TOX4: variants seen among roughly 807,000 people sequenced by gnomAD.
TOX4 encodes the protein TOX high mobility group box family member 4.
Under a neutral mutation model 61.0 loss-of-function variants are expected in TOX4, and 12 were observed. The ratio of observed to expected loss-of-function variants is 0.20; its 90% CI spans 0.13 to 0.32. The LOEUF (loss-of-function observed/expected upper bound fraction) is 0.32. TOX4 is among the 10% of genes least tolerant of loss of function. TOX4 has a pLI of 1.00. For missense variants in TOX4, 499 were observed against 753.3 expected (o/e 0.66, Z 3.95); for synonymous variants, 268 against 274.8 (o/e 0.98, Z 0.24).
chr14:21,481,836 T>C (rs1463784063), intron 2 of TOX4, among the ~76,000 whole-genome samples: 3 of 152,164 alleles, frequency 2.0e-5, no homozygotes, highest in Non-Finnish European at 4.4e-5. Context: ...GACACTATAT[T>C]CGTTCATATT....
At chr14:21,478,389 T>C (rs966170568) in intron 2 of TOX4, among the ~76,000 whole-genome samples, 1 of 152,198 alleles carries the variant, frequency 6.6e-6, no homozygotes, top group Admixed American at 6.5e-5. Flanking sequence ...GACTCAGACG[T>C]TGGGCACATT....
At chr14:21,477,738 C>T (rs1175940298) in intron 2 of TOX4, 174 bp downstream of exon 2, 1 of 659,878 alleles carries the variant, frequency 1.5e-6, no homozygotes, top group African/African-American at 1.8e-5. Flanking sequence ...CTGGGGAAGT[C>T]TTGGGAAGTT....
rs1891219472 is a variant in TOX4, at chr14:21,488,106, G to A, written c.318+413G>A. On this transcript the variant is annotated intron_variant, in intron 3 of 8. Coordinates refer to ENST00000448790, the MANE Select transcript of TOX4 (RefSeq NM_014828.4). The stretch of plus-strand genomic sequence containing the variant: ...AAGTCTGAGCCAAATATAGTATTGT[G>A]GATTAGTATGTAATATAAATCAGTA... 5 of 170,000 alleles carry A rather than the reference G, an allele frequency of 2.9e-5. No homozygotes were observed. The South Asian group carries it at 7.4e-4, about 25-fold the overall frequency. The allele number at this position is 170,000 out of a possible 1,614,324, so 10.5% of individuals were successfully genotyped here.
intron 2 of TOX4, among the ~76,000 whole-genome samples, chr14:21,479,517 G>A (rs1050897652): frequency 2.0e-5 from 3 of 151,672 alleles, no homozygotes; most frequent in Non-Finnish European, 4.4e-5. Context: ...GTGTGGTGGT[G>A]CGCGCCTGTA....
intron 1 of TOX4, 102 bp downstream of exon 1, chr14:21,477,386 G>C (rs1891012297): frequency 6.2e-7 from 1 of 1,612,282 alleles, no homozygotes; most frequent in Admixed American, 1.7e-5. Context: ...GGAGAGGAGA[G>C]AGAGCGGGGT....
rs199914554 is a variant in TOX4, at chr14:21,492,768, A to G, written c.1152A>G (p.Gly384=). Residue 384 remains glycine (G), a synonymous_variant, in exon 7 of 9, where the codon GGA becomes GGG. Transcript: ENST00000448790. ...MLPSSITMSQ[G]GMVTVIPATV... ...CCTCTTCTATTACTATGTCTCAAGG[A>G]GGGATGGTTACTGTTATCCCAGCCA... 4.3e-6 allele frequency: 7 copies of G among 1,614,118 alleles called. No homozygotes were observed. The highest frequency in any genetic ancestry group is 5.1e-6 in the Non-Finnish European group (6 of 1,180,018).
At position 21,488,721 on chromosome 14, in the gene TOX4, T is replaced by C; in HGVS notation, c.450T>C (p.Ser150=). The part of the protein sequence containing the change: ...QLTTIDQSEL[S]SQLGLSLGGG... Reference sequence around the variant, plus strand: ...CCACCATTGATCAGTCAGAACTGAGTTCCCAGCTGGGTTTGAGCCTAGGGG... The same window carrying C: ...CCACCATTGATCAGTCAGAACTGAGCTCCCAGCTGGGTTTGAGCCTAGGGG... Residue 150 remains serine, a synonymous_variant, in exon 4 of 9, where the codon AGT becomes AGC. Coordinates refer to ENST00000448790, the MANE Select transcript of TOX4 (RefSeq NM_014828.4). 2 of 1,614,118 alleles carry C rather than the reference T, an allele frequency of 1.2e-6. No homozygotes were observed. The highest frequency in any genetic ancestry group is 1.7e-6 in the Non-Finnish European group (2 of 1,180,028).
intron 5 of TOX4, among the ~76,000 whole-genome samples, chr14:21,491,504 G>A (rs945717331): frequency 2.0e-5 from 3 of 151,516 alleles, no homozygotes; most frequent in Admixed American, 1.3e-4. Context: ...GACTATAGGC[G>A]CCCATCACCA....
Position 21,493,179 on chromosome 14 carries a change from C to A in TOX4, c.1563C>A (p.Asn521Lys). 6.2e-7 allele frequency: 1 copy of A among 1,614,162 alleles called. No homozygotes were observed. Among genetic ancestry groups the A allele is most frequent in the Non-Finnish European group, 8.5e-7 (1 of 1,180,020 alleles). ...AAAGTAGTCCTGAGCGGCCTATGAA[C>A]AACAGCCCTGAGGCCCATACAGTGG... ...TVESSPERPMNNSPEAHTVEA... is the reference protein window; with the variant it reads ...TVESSPERPMKNSPEAHTVEA... Residue 521 changes from asparagine (N) to lysine (K), a missense_variant, in exon 7 of 9, where the codon AAC (asparagine) becomes AAA (lysine). By Grantham distance (94) the Asn-to-Lys change is moderately conservative. This residue lies in a region of TOX4 where 296 missense variants were observed against 404.7 expected (regional missense o/e 0.73). Transcript: ENST00000448790.
intron 2 of TOX4, among the ~76,000 whole-genome samples, chr14:21,479,253 G>T (rs1243428227): frequency 6.7e-6 from 1 of 150,000 alleles, no homozygotes; most frequent in Non-Finnish European, 1.5e-5. Context: ...CCAACTGTTT[G>T]GGAGGCTGAG....
chr14:21,489,772 G>A lies in TOX4; in HGVS notation c.810+369G>A, dbSNP rs554978431. On this transcript the variant is annotated intron_variant, in intron 5 of 8. Transcript: ENST00000448790. ...TTGTTTTTGTATTTTTAGTAGAGAC[G>A]GCGTTTCACCATGTCAGCCAGGATG... Among the ~76,000 whole-genome samples, 314 of 152,002 alleles carry A rather than the reference G, an allele frequency of 2.1e-3. 3 individuals are homozygous for A. The highest frequency in any genetic ancestry group is 6.6e-3 in the African/African-American group (275 of 41,512).
At chr14:21,489,455 G>A in intron 5 of TOX4, 52 bp downstream of exon 5, 1 of 1,500,610 alleles carries the variant, frequency 6.7e-7, no homozygotes, top group Non-Finnish European at 9.0e-7. Flanking sequence ...TTTTTAAAGA[G>A]ATAAAAATTG....
intron 3 of TOX4, chr14:21,488,344 T>C: frequency 4.2e-6 from 2 of 474,126 alleles, no homozygotes; most frequent in Non-Finnish European, 7.5e-6. Flanking sequence ...CTTTGACTTG[T>C]CCAACAGTGC....
At position 21,492,610 on chromosome 14, in the gene TOX4, A is replaced by G. The variant is rs140286622; in HGVS notation, c.994A>G (p.Ile332Val). The G allele has an allele frequency of 6.4e-5, 103 of 1,613,612 alleles. No individual in the cohort carries two copies. The highest frequency in any genetic ancestry group is 8.4e-5 in the Non-Finnish European group (99 of 1,180,008). ...VDPASPAPAS[I>V]EPPALSPSIV... is the part of the protein sequence containing the mutation. ...CCCAGCATCTCCAGCACCAGCTTCA[A>G]TAGAGCCCCCTGCCCTGTCCCCATC... is the stretch of plus-strand genomic sequence containing the variant. Residue 332 changes from isoleucine to valine, a missense_variant, in exon 7 of 9, where the codon ATA becomes GTA. Coordinates refer to ENST00000448790, the MANE Select transcript of TOX4 (RefSeq NM_014828.4).
Position 21,484,851 on chromosome 14 carries a change from G to A in TOX4, c.76-2600G>A, listed in dbSNP as rs1325879665. ...TTTTTTGTTCTTTTGGTAGAGACGG[G>A]TTTCACTGTGTTGGCCAGGCTGGTC... On this transcript the variant is annotated intron_variant, in intron 2 of 8. Transcript: ENST00000448790. Among the ~76,000 whole-genome samples, 2 of 98,262 alleles carry A rather than the reference G, an allele frequency of 2.0e-5. 1 individual carries two copies. The highest frequency in any genetic ancestry group is 7.7e-5 in the African/African-American group (2 of 25,848). The allele number at this position is 98,262 out of a possible 152,430, so 64.5% of individuals were successfully genotyped here. A position where few individuals can be genotyped will look rare whatever the true frequency, so the allele number is the denominator to read the frequency against.
Position 21,497,275 on chromosome 14 carries a change from C to CTTTAA in TOX4, c.*670_*674dup. The CTTTAA allele has an allele frequency of 6.6e-6, 1 of 152,328 alleles. No homozygotes were observed. 9.4% of individuals were successfully genotyped at this position (152,328 alleles called of 1,614,324 possible). On this transcript the variant is annotated 3_prime_UTR_variant, in exon 9 of 9. Transcript: ENST00000448790. ...TATTCACTTGTGTTTGATGAACTAT[C>CTTTAA]TTTAAAAGACCATAGGTCTATCATT...
intron 2 of TOX4, among the ~76,000 whole-genome samples, chr14:21,478,406 T>A (rs1430611873): frequency 6.6e-6 from 1 of 152,252 alleles, no homozygotes; most frequent in Non-Finnish European, 1.5e-5. Context: ...CATTACTTCA[T>A]CTTTGTATGT....
chr14:21,496,701 C>A lies in TOX4; in HGVS notation c.*95C>A. The A allele has an allele frequency of 9.6e-7, 1 of 1,040,652 alleles. No homozygotes were observed. The highest frequency in any genetic ancestry group is 1.5e-6 in the Non-Finnish European group (1 of 676,800). The allele number at this position is 1,040,652 out of a possible 1,614,324, so 64.5% of individuals were successfully genotyped here. On this transcript the variant is annotated 3_prime_UTR_variant, in exon 9 of 9. Transcript: ENST00000448790. ...ACAAGCTGGGCTTCTGGTAGTGCCT[C>A]ATCACAACCCATGATGGCTGTTCAT...
At chr14:21,478,512 TA>T (rs34820808) in intron 2 of TOX4, among the ~76,000 whole-genome samples, 76,395 of 151,994 alleles carry the variant, frequency 0.5, 19,376 homozygotes, top group East Asian at 0.63. Flanking sequence ...AAGTGTTCGT[TA>T]AAAAAGTTTG....
Sources: allele counts gnomAD v4.1 joint callset (sites outside exome capture counted in the v4.1 genomes callset), GRCh38; gene constraint gnomAD v4.1.1; regional missense constraint gnomAD v4.1.1; transcripts MANE v1.5; gene names NCBI Gene and HGNC (gene_info 2026-07-23, HGNC 2026-07-21).